The following THSD7A variants were observed in gnomAD, a reference collection of about 807,000 sequenced individuals.
THSD7A encodes the protein thrombospondin type-1 domain-containing protein 7A.
THSD7A carries 96 observed loss-of-function variants against 231.3 expected under a neutral mutation model. That is an observed-to-expected ratio of 0.41 (90% CI 0.35 to 0.49). The LOEUF (loss-of-function observed/expected upper bound fraction) is 0.49. Among genes scored for constraint, THSD7A ranks in the 20% least tolerant of loss-of-function variants. The pLI is 0.05. For missense variants in THSD7A, 2,290 were observed against 2,070.2 expected, an observed-to-expected ratio of 1.11 and a Z score of -2.06; for synonymous variants, 940 against 743.3, an observed-to-expected ratio of 1.26 and a Z score of -4.30.
At chr7:11,683,916 T>TAAC (rs775952730) in intron 1 of THSD7A, among the ~76,000 whole-genome samples, 2 of 151,272 alleles carry the variant, frequency 1.3e-5, no homozygotes, top group Non-Finnish European at 3.0e-5. Flanking sequence ...AAAGACACAA[T>TAAC]AACAACAACA....
intron 13 of THSD7A, among the ~76,000 whole-genome samples, chr7:11,440,976 CA>C (rs1431302848): frequency 2.6e-5 from 4 of 151,996 alleles, no homozygotes; most frequent in Non-Finnish European, 4.4e-5. Flanking sequence ...TCAATGGATG[CA>C]GCAAAATTCA....
At chr7:11,640,328 T>C (rs1435789508) in intron 1 of THSD7A, among the ~76,000 whole-genome samples, 1 of 152,190 alleles carries the variant, frequency 6.6e-6, no homozygotes, top group Non-Finnish European at 1.5e-5. Context: ...ATTCAACAGA[T>C]GCCATTTGCA....
intron 4 of THSD7A, among the ~76,000 whole-genome samples, chr7:11,557,874 G>T (rs966172484): frequency 3.3e-5 from 5 of 152,106 alleles, no homozygotes; most frequent in African/African-American, 1.2e-4. Flanking sequence ...AGTGTTGAGC[G>T]ACTCATTACA....
chr7:11,540,284 T>C (rs1480987877), intron 6 of THSD7A, among the ~76,000 whole-genome samples: 1 of 152,204 alleles, frequency 6.6e-6, no homozygotes, highest in Non-Finnish European at 1.5e-5. Flanking sequence ...CTCGCATGAC[T>C]ATATTAGACC....
At chr7:11,692,721 C>T in intron 1 of THSD7A, among the ~76,000 whole-genome samples, 1 of 151,562 alleles carries the variant, frequency 6.6e-6, no homozygotes, top group Non-Finnish European at 1.5e-5. Context: ...TTTCCTAATG[C>T]TAACTATAAA....
chr7:11,826,812 CAA>C (rs3037773), intron 1 of THSD7A, among the ~76,000 whole-genome samples: 6,522 of 120,726 alleles, frequency 0.054, 458 homozygotes, highest in African/African-American at 0.18. Flanking sequence ...GCCTCTGTCT[CAA>C]AAAAAAAAAA....
At chr7:11,435,758 G>T (rs1165689038) in intron 13 of THSD7A, among the ~76,000 whole-genome samples, 5 of 151,904 alleles carry the variant, frequency 3.3e-5, no homozygotes, top group Admixed American at 2.0e-4. Flanking sequence ...TCCAAGTTCT[G>T]TCAGCTGTTC....
At chr7:11,719,076 G>A (rs1336727154) in intron 1 of THSD7A, among the ~76,000 whole-genome samples, 2 of 151,590 alleles carry the variant, frequency 1.3e-5, no homozygotes, top group Non-Finnish European at 3.0e-5. Context: ...ATGCGCTCAT[G>A]TGTGTTTTTC....
chr7:11,488,736 A>G (rs1256880402), intron 6 of THSD7A, among the ~76,000 whole-genome samples: 2 of 152,048 alleles, frequency 1.3e-5, no homozygotes, highest in Admixed American at 1.3e-4. Flanking sequence ...TCCAATATAT[A>G]TTAGCTGAAA....
chr7:11,712,103 C>T (rs1324187220), intron 1 of THSD7A, among the ~76,000 whole-genome samples: 2 of 150,988 alleles, frequency 1.3e-5, no homozygotes, highest in Non-Finnish European at 1.5e-5. Flanking sequence ...TAGGAAAAAA[C>T]TAGACTTCTG....
chr7:11,435,779 C>G (rs1562607255), intron 13 of THSD7A, among the ~76,000 whole-genome samples: 2 of 151,658 alleles, frequency 1.3e-5, no homozygotes, highest in African/African-American at 4.9e-5. Flanking sequence ...TAGTGAATTA[C>G]TGAGCCTGGG....
intron 6 of THSD7A, among the ~76,000 whole-genome samples, chr7:11,488,695 T>A (rs1786763515): frequency 6.6e-6 from 1 of 152,096 alleles, no homozygotes; most frequent in African/African-American, 2.4e-5. Context: ...AGGGTCTGTT[T>A]CTAAAATCTA....
intron 6 of THSD7A, among the ~76,000 whole-genome samples, chr7:11,492,163 A>AT (rs1786920835): frequency 6.6e-6 from 1 of 151,850 alleles, no homozygotes; most frequent in African/African-American, 2.4e-5. Flanking sequence ...TCTATCCTCT[A>AT]TTTGCAACCA....
chr7:11,401,693 T>C (rs1710788692), intron 23 of THSD7A, 102 bp downstream of exon 23: 6 of 1,117,206 alleles, frequency 5.4e-6, no homozygotes, highest in Non-Finnish European at 7.3e-6. Flanking sequence ...ATTACAGGCG[T>C]GAGCCACCGC....
At position 11,778,829 on chromosome 7, in the gene THSD7A, TAA is replaced by T. The variant is rs1583283773; in HGVS notation, c.190+52926_190+52927del. ...TCTGAGAAATATACCAATGTTTCTATAAATCTATGCACAAATAAATGTATAAC... is the reference window on the plus strand; with the variant it reads ...TCTGAGAAATATACCAATGTTTCTATATCTATGCACAAATAAATGTATAAC... On this transcript the variant is annotated intron_variant, in intron 1 of 27. Transcript: ENST00000423059. Among the ~76,000 whole-genome samples the T allele has an allele frequency of 1.1e-4, 16 of 152,306 alleles. No homozygotes were observed. In the East Asian group the frequency reaches 3.1e-3, roughly 29 times the overall value.
chr7:11,676,914 G>A (rs929284558), intron 1 of THSD7A, among the ~76,000 whole-genome samples: 1 of 152,084 alleles, frequency 6.6e-6, no homozygotes, highest in South Asian at 2.1e-4. Flanking sequence ...AGGAAATACA[G>A]AGAACACCAC....
intron 4 of THSD7A, among the ~76,000 whole-genome samples, chr7:11,549,300 A>T (rs1345908627): frequency 1.4e-5 from 2 of 138,400 alleles, no homozygotes; most frequent in Non-Finnish European, 3.4e-5. Context: ...TGTGTAATGT[A>T]AATTACACAA....
chr7:11,757,138 A>G (rs1355074622), intron 1 of THSD7A, among the ~76,000 whole-genome samples: 3 of 152,050 alleles, frequency 2.0e-5, no homozygotes. Flanking sequence ...AGCCACTGCA[A>G]ACGTGAAGGT....
intron 27 of THSD7A, among the ~76,000 whole-genome samples, 177 bp from the exon 28 acceptor site, chr7:11,376,055 G>A (rs190101969): frequency 8.2e-4 from 125 of 152,068 alleles, no homozygotes; most frequent in African/African-American, 2.9e-3. Context: ...TCAGTTTTAT[G>A]CTTTGAATAA....
Sources: allele counts gnomAD v4.1 joint callset (sites outside exome capture counted in the v4.1 genomes callset), GRCh38; gene constraint gnomAD v4.1.1; transcripts MANE v1.5; gene names NCBI Gene and HGNC (gene_info 2026-07-23, HGNC 2026-07-21).